POFUT3: variants seen among roughly 807,000 people sequenced by gnomAD.
The protein encoded by POFUT3 is protein O-fucosyltransferase 3.
At chr8:33,382,854 C>T in the POFUT3 span, among the ~76,000 whole-genome samples, 1 of 152,162 alleles carries the variant, frequency 6.6e-6, no homozygotes, top group Non-Finnish European at 1.5e-5. Flanking sequence ...TCCCTTGCCC[C>T]ACCTGCACAG....
At chr8:33,413,891 CTG>C in the POFUT3 span, among the ~76,000 whole-genome samples, 1 of 152,140 alleles carries the variant, frequency 6.6e-6, no homozygotes, top group Non-Finnish European at 1.5e-5. Flanking sequence ...GACTTATTAT[CTG>C]TAAGTATCTC....
At chr8:33,370,642 T>C in the POFUT3 span, among the ~76,000 whole-genome samples, 1 of 152,190 alleles carries the variant, frequency 6.6e-6, no homozygotes, top group African/African-American at 2.4e-5. Context: ...GATGAAGAAC[T>C]AAGATGGAAT....
the POFUT3 span, among the ~76,000 whole-genome samples, chr8:33,462,732 C>G: frequency 2.0e-5 from 3 of 152,080 alleles, no homozygotes; most frequent in Admixed American, 2.0e-4. Context: ...GAGTTTGAGA[C>G]CAGCCTGGGC....
the POFUT3 span, among the ~76,000 whole-genome samples, chr8:33,373,456 A>C: frequency 6.6e-6 from 1 of 152,284 alleles, no homozygotes; most frequent in South Asian, 2.1e-4. Context: ...ACATTGGCAT[A>C]ATACCTCCCA....
the POFUT3 span, among the ~76,000 whole-genome samples, chr8:33,355,043 T>C: frequency 2.3e-3 from 345 of 152,296 alleles, 4 homozygotes; most frequent in African/African-American, 8.0e-3. Flanking sequence ...GTACCCACAA[T>C]GGAGAAATGG....
chr8:33,351,399 C>T, the POFUT3 span, among the ~76,000 whole-genome samples: 7 of 152,148 alleles, frequency 4.6e-5, no homozygotes, highest in Non-Finnish European at 5.9e-5. Context: ...AGGAGCAGAT[C>T]TCTCATGATA....
At chr8:33,312,279 G>T in the POFUT3 span, among the ~76,000 whole-genome samples, 1 of 140,456 alleles carries the variant, frequency 7.1e-6, no homozygotes, top group Non-Finnish European at 1.5e-5. Context: ...AAAAGAAATA[G>T]AGAGAGAGAG....
chr8:33,322,306 A>T, the POFUT3 span, among the ~76,000 whole-genome samples: 3 of 152,110 alleles, frequency 2.0e-5, no homozygotes, highest in Admixed American at 6.6e-5. Flanking sequence ...CACAGAAGGG[A>T]GGGGCCCTAA....
At chr8:33,403,040 G>A in the POFUT3 span, among the ~76,000 whole-genome samples, 2 of 151,318 alleles carry the variant, frequency 1.3e-5, no homozygotes, top group Admixed American at 6.6e-5. Flanking sequence ...CAGCCCGGGT[G>A]ACAAAGTGAA....
the POFUT3 span, among the ~76,000 whole-genome samples, chr8:33,457,602 T>A: frequency 6.6e-6 from 1 of 152,184 alleles, no homozygotes; most frequent in Admixed American, 6.6e-5. Context: ...TTAATTTTAT[T>A]GGGTATAATA....
chr8:33,465,494 G>A, the POFUT3 span, among the ~76,000 whole-genome samples: 2 of 151,432 alleles, frequency 1.3e-5, no homozygotes, highest in Non-Finnish European at 2.9e-5. Flanking sequence ...ACAGGGTCTC[G>A]CTCTGTTGCC....
At chr8:33,328,240 G>C in the POFUT3 span, among the ~76,000 whole-genome samples, 1 of 151,942 alleles carries the variant, frequency 6.6e-6, no homozygotes, top group Non-Finnish European at 1.5e-5. Context: ...AGTGACTCAG[G>C]GTCAATAAAA....
the POFUT3 span, among the ~76,000 whole-genome samples, chr8:33,340,496 T>C: frequency 6.6e-6 from 1 of 151,904 alleles, no homozygotes; most frequent in Non-Finnish European, 1.5e-5. Context: ...ACCCAGCATA[T>C]AGGTTTCAAA....
At chr8:33,386,325 C>G in the POFUT3 span, among the ~76,000 whole-genome samples, 14 of 152,008 alleles carry the variant, frequency 9.2e-5, no homozygotes, top group Non-Finnish European at 1.5e-5. Context: ...GCAAGCAAAG[C>G]CTCCTAATCA....
At chr8:33,461,598 A>G in the POFUT3 span, 1 of 1,537,080 alleles carries the variant, frequency 6.5e-7, no homozygotes, top group South Asian at 1.2e-5. Context: ...CCAGGTCTCC[A>G]TGAAGGACTG....
chr8:33,350,709 C>CAT, the POFUT3 span, among the ~76,000 whole-genome samples: 2 of 151,818 alleles, frequency 1.3e-5, no homozygotes, highest in African/African-American at 2.4e-5. Context: ...GAAAATTGAT[C>CAT]ATATATATAT....
chr8:33,315,827 C>A, the POFUT3 span, among the ~76,000 whole-genome samples: 1 of 152,116 alleles, frequency 6.6e-6, no homozygotes, highest in African/African-American at 2.4e-5. Context: ...AATATATTTT[C>A]TTCTTCCCTT....
chr8:33,427,763 A>G, the POFUT3 span, among the ~76,000 whole-genome samples: 2 of 152,138 alleles, frequency 1.3e-5, no homozygotes, highest in Admixed American at 1.3e-4. Context: ...AACTTACCAC[A>G]ATATTTCTAA....
chr8:33,330,056 G>A, the POFUT3 span, among the ~76,000 whole-genome samples: 1 of 152,272 alleles, frequency 6.6e-6, no homozygotes, highest in South Asian at 2.1e-4. Context: ...GCTTTAGTAA[G>A]GCAAGTTGGA....
Sources: gnomAD v4.1 joint callset for allele counts (sites outside exome capture counted in the v4.1 genomes callset) on GRCh38, gnomAD v4.1.1 for gene constraint, MANE v1.5 for transcripts, NCBI Gene and HGNC (gene_info 2026-07-23, HGNC 2026-07-21) for gene names.